The following GNPTG variants were observed in gnomAD, a reference collection of about 807,000 sequenced individuals.
GNPTG encodes N-acetylglucosamine-1-phosphotransferase subunit gamma.
GNPTG carries 46 observed loss-of-function variants against 43.8 expected under a neutral mutation model. The observed-to-expected ratio is 1.05, with a 90% CI of 0.83 to 1.34. The LOEUF is 1.34. Among genes scored for constraint, GNPTG ranks in the 40% most tolerant of loss-of-function variants. The pLI, the probability that GNPTG is intolerant of heterozygous loss-of-function variation, is 0.00. For synonymous variants in GNPTG, 250 were observed against 172.8 expected, an observed-to-expected ratio of 1.45 and a Z score of -3.50; for missense variants, 549 against 411.3, an observed-to-expected ratio of 1.33 and a Z score of -2.90.
At chr16:1,354,533 CT>C (rs973102414) in intron 3 of GNPTG, among the ~76,000 whole-genome samples, 17 of 131,670 alleles carry the variant, frequency 1.3e-4, no homozygotes, top group African/African-American at 4.9e-4. Flanking sequence ...CTGCGGTGAG[CT>C]GAGATCATGC....
chr16:1,362,016 T>A lies in GNPTG; in HGVS notation c.318-22T>A, dbSNP rs756455159. The A allele has an allele frequency of 1.1e-4, 173 of 1,612,720 alleles. 1 individual carries two copies. The highest frequency in any genetic ancestry group is 7.6e-4 in the South Asian group (69 of 91,008). ...GCGCAGCTCCCCACCCGGCCTCACG[T>A]GCCGTGCCCGTGTCTCCCCAGCATC... On this transcript the variant is annotated intron_variant, in intron 5 of 10. Transcript: ENST00000204679.
At chr16:1,352,624 C>G (rs963242582) in intron 3 of GNPTG, 4 of 377,828 alleles carry the variant, frequency 1.1e-5, no homozygotes, top group African/African-American at 4.2e-5. Context: ...AATCTAATCG[C>G]TTTTTTAAAA....
rs2034928063 is a variant in GNPTG at position 1,362,699 on chromosome 16, G to T, written c.698G>T (p.Gly233Val). ...EENEPTQLEGGPDSLGFETLE... is the reference protein window; with the variant it reads ...EENEPTQLEGVPDSLGFETLE... ...AATGAACCCACCCAGCTGGAGGGAG[G>T]TCCTGACAGCTTGGGGTTTGAGACC... The change falls in exon 9 of 11, where the codon GGT (glycine) becomes GTT (valine). Residue 233 changes from glycine to valine, a missense_variant. Physicochemically the swap from Gly to Val is moderately radical, Grantham distance 109 (BLOSUM62 -3). Coordinates refer to ENST00000204679, the MANE Select transcript of GNPTG (RefSeq NM_032520.5). 8.7e-6 allele frequency: 14 copies of T among 1,614,096 alleles called. No individual in the cohort carries two copies. The highest frequency in any genetic ancestry group is 1.2e-5 in the Non-Finnish European group (14 of 1,180,040).
At chr16:1,356,110 A>G (rs1175020712) in intron 3 of GNPTG, among the ~76,000 whole-genome samples, 1 of 152,016 alleles carries the variant, frequency 6.6e-6, no homozygotes, top group Non-Finnish European at 1.5e-5. Context: ...TGTCACCAAG[A>G]GACGCAGCCC....
intron 5 of GNPTG, 38 bp from the exon 6 acceptor site, chr16:1,362,000 C>T: frequency 6.2e-7 from 1 of 1,613,066 alleles, no homozygotes; most frequent in Non-Finnish European, 8.5e-7. Flanking sequence ...AGCGCAGCTC[C>T]CCACCCGGCC....
chr16:1,363,088 G>C lies in GNPTG; in HGVS notation c.915G>C (p.Leu305Phe), dbSNP rs751017692. 6.2e-7 allele frequency: 1 copy of C among 1,613,740 alleles called. No individual in the cohort carries two copies. The highest frequency in any genetic ancestry group is 1.1e-5 in the South Asian group (1 of 91,066). Residue 305 changes from leucine to phenylalanine, a missense_variant, in exon 11 of 11, where the codon TTG becomes TTC. Coordinates refer to ENST00000204679, the MANE Select transcript of GNPTG (RefSeq NM_032520.5). ...LRGDPGLRGS[L>F] The stretch of plus-strand genomic sequence containing the variant: ...GTGACCCAGGACTGCGTGGGAGTTT[G>C]TGACCTTGTGGTGGGAGAGCAGAGG...
At chr16:1,355,604 G>C (rs903593061) in intron 3 of GNPTG, among the ~76,000 whole-genome samples, 1 of 152,176 alleles carries the variant, frequency 6.6e-6, no homozygotes, top group African/African-American at 2.4e-5. Context: ...CTGTGGCATG[G>C]AGAGGGAATG....
In GNPTG at chr16:1,362,118, G is replaced by C. The variant is rs765865746; in HGVS notation, c.398G>C (p.Ser133Thr). ...MRDGDACRSR[S>T]RQSKVELACG... ...GACGGTGACGCCTGCCGTTCCCGGA[G>C]CCGGCAGAGCAAGGTGGGGCCTCAG... Residue 133 changes from serine to threonine, a missense_variant, in exon 6 of 11, where the codon AGC (serine) becomes ACC (threonine). Transcript: ENST00000204679. 1 of 1,612,462 alleles carries C rather than the reference G, an allele frequency of 6.2e-7. No individual in the cohort carries two copies. Among genetic ancestry groups the C allele is most frequent in the South Asian group, 1.1e-5 (1 of 90,952 alleles).
At chr16:1,356,212 C>T (rs932463522) in intron 3 of GNPTG, among the ~76,000 whole-genome samples, 2 of 152,130 alleles carry the variant, frequency 1.3e-5, no homozygotes, top group South Asian at 2.1e-4. Context: ...GCTGTGGCCT[C>T]GGGTGCAGGG....
intron 3 of GNPTG, among the ~76,000 whole-genome samples, chr16:1,353,960 G>A (rs1007392015): frequency 2.6e-5 from 4 of 152,236 alleles, no homozygotes; most frequent in African/African-American, 9.7e-5. Context: ...GGTAGCCACA[G>A]ATCAGAGATA....
chr16:1,354,355 C>T (rs1395723070), intron 3 of GNPTG, among the ~76,000 whole-genome samples: 1 of 151,818 alleles, frequency 6.6e-6, no homozygotes, highest in Non-Finnish European at 1.5e-5. Context: ...GTGTGACGAT[C>T]GCTTGAGGTC....
At position 1,362,519 on chromosome 16, in the gene GNPTG, G is replaced by A. The variant is rs747006851; in HGVS notation, c.594G>A (p.Glu198=). ...AGGTAGAGCAGGACCTGGCCGATGA[G>A]CTGATCACCCCCCAGGTAAGCGTGC... ...WDQVEQDLAD[E]LITPQGHEKL... Residue 198 remains glutamate, a synonymous_variant, in exon 8 of 11, where the codon GAG becomes GAA. Transcript: ENST00000204679. The A allele has an allele frequency of 1.2e-6, 2 of 1,614,186 alleles. No individual in the cohort carries two copies. Among genetic ancestry groups the A allele is most frequent in the Non-Finnish European group, 1.7e-6 (2 of 1,180,038 alleles).
chr16:1,362,404 G>A lies in GNPTG; in HGVS notation c.527-48G>A, dbSNP rs545803225. 30 of 1,611,914 alleles carry A rather than the reference G, an allele frequency of 1.9e-5. 1 individual carries two copies. The South Asian group carries it at 3.0e-4, about 16-fold the overall frequency. ...GAGGCCCTGTAGTGCTGGGGGCCAGGGTTGGGACATGGGGTGCAGCTGAGC... is the reference window on the plus strand; with the variant it reads ...GAGGCCCTGTAGTGCTGGGGGCCAGAGTTGGGACATGGGGTGCAGCTGAGC... On this transcript the variant is annotated intron_variant, in intron 7 of 10. Transcript: ENST00000204679.
intron 3 of GNPTG, 176 bp from the exon 4 acceptor site, chr16:1,361,567 A>G: frequency 1.5e-6 from 1 of 656,818 alleles, no homozygotes; most frequent in South Asian, 1.7e-5. Flanking sequence ...TGGCGTGAAC[A>G]TGGGAGGCGG....
intron 3 of GNPTG, among the ~76,000 whole-genome samples, chr16:1,357,091 G>A (rs1462441858): frequency 6.6e-6 from 1 of 152,220 alleles, no homozygotes. Context: ...AAGCACCCCA[G>A]GCTGTGGGAC....
In GNPTG at chr16:1,352,215, C is replaced by G. The variant is rs1400501445; in HGVS notation, c.111-24C>G. Reference sequence around the variant, plus strand: ...CGGGGGACGGCCCGGGCCCGTTCCCCGCTGACCTTGCCGCTTCCCGTAGGG... The same window carrying G: ...CGGGGGACGGCCCGGGCCCGTTCCCGGCTGACCTTGCCGCTTCCCGTAGGG... On this transcript the variant is annotated intron_variant, in intron 2 of 10. Transcript: ENST00000204679. 7.1e-6 allele frequency: 11 copies of G among 1,550,720 alleles called. No individual in the cohort carries two copies. The East Asian group carries it at 2.7e-4, about 38-fold the overall frequency.
chr16:1,357,076 A>G, intron 3 of GNPTG, among the ~76,000 whole-genome samples: 1 of 152,198 alleles, frequency 6.6e-6, no homozygotes, highest in African/African-American at 2.4e-5. Context: ...GGAGGGACCA[A>G]GCCCAAGCAC....
chr16:1,357,218 C>G (rs2034793564), intron 3 of GNPTG, among the ~76,000 whole-genome samples: 1 of 152,182 alleles, frequency 6.6e-6, no homozygotes, highest in African/African-American at 2.4e-5. Flanking sequence ...CAGGACCTTT[C>G]TATATCCACA....
chr16:1,353,176 C>T lies in GNPTG; in HGVS notation c.178+870C>T, dbSNP rs150939485. Among the ~76,000 whole-genome samples, 93 of 152,166 alleles carry T rather than the reference C, an allele frequency of 6.1e-4. 1 individual carries two copies. The highest frequency in any genetic ancestry group is 1.8e-3 in the African/African-American group (75 of 41,502). ...TTAGTAGAGATAGGGTTTATTTCAC[C>T]GTATTGACCAGGCGGGTCTCGAACT... On this transcript the variant is annotated intron_variant, in intron 3 of 10. Transcript: ENST00000204679.
Sources: gnomAD v4.1 joint callset for allele counts (sites outside exome capture counted in the v4.1 genomes callset) on GRCh38, gnomAD v4.1.1 for gene constraint, MANE v1.5 for transcripts, NCBI Gene and HGNC (gene_info 2026-07-23, HGNC 2026-07-21) for gene names.